TMEFF1: variants seen among roughly 807,000 people sequenced by gnomAD.
The protein encoded by TMEFF1 is transmembrane protein with EGF like and two follistatin like domains 1.
TMEFF1 carries 20 observed loss-of-function variants against 47.5 expected under a neutral mutation model. The observed-to-expected ratio is 0.42, with a 90% CI of 0.30 to 0.61. The LOEUF is 0.61. Ranked by LOEUF, TMEFF1 falls within the 20% of genes least tolerant of loss-of-function variation. TMEFF1 has a pLI of 0.19. For synonymous variants in TMEFF1, 162 were observed against 166.3 expected (o/e 0.97, Z 0.20); for missense variants, 411 against 471.1 (o/e 0.87, Z 1.18).
At chr9:100,525,272 T>A (rs1838234380) in intron 5 of TMEFF1, among the ~76,000 whole-genome samples, 1 of 152,126 alleles carries the variant, frequency 6.6e-6, no homozygotes, top group African/African-American at 2.4e-5. Context: ...GGTTAAGGAC[T>A]CAGTCCCATA....
chr9:100,515,827 T>G (rs1052470593), intron 4 of TMEFF1, among the ~76,000 whole-genome samples: 1 of 151,698 alleles, frequency 6.6e-6, no homozygotes, highest in South Asian at 2.1e-4. Context: ...AAAAAGACAC[T>G]CCCTGAATAG....
chr9:100,551,913 CTG>C (rs1255296280), intron 7 of TMEFF1, among the ~76,000 whole-genome samples: 2 of 152,186 alleles, frequency 1.3e-5, no homozygotes, highest in Non-Finnish European at 2.9e-5. Context: ...CAGTGGGAAT[CTG>C]TGAAATGTCT....
intron 7 of TMEFF1, among the ~76,000 whole-genome samples, 172 bp downstream of exon 7, chr9:100,550,332 C>T (rs893207205): frequency 6.6e-6 from 1 of 152,168 alleles, no homozygotes; most frequent in African/African-American, 2.4e-5. Context: ...TGAAGTTCAT[C>T]TCATTTTATA....
At chr9:100,550,716 C>G (rs566652370) in intron 7 of TMEFF1, among the ~76,000 whole-genome samples, 10 of 152,322 alleles carry the variant, frequency 6.6e-5, no homozygotes, top group Admixed American at 6.5e-4. Flanking sequence ...GTAACCTCCT[C>G]TAGGCTATGA....
chr9:100,531,336 C>G (rs1179880334), intron 5 of TMEFF1, among the ~76,000 whole-genome samples: 1 of 152,172 alleles, frequency 6.6e-6, no homozygotes, highest in Non-Finnish European at 1.5e-5. Flanking sequence ...ATCTAGAAAA[C>G]CCGACTGTCT....
chr9:100,549,525 G>A (rs1439941659), intron 6 of TMEFF1, among the ~76,000 whole-genome samples: 2 of 152,144 alleles, frequency 1.3e-5, no homozygotes, highest in Non-Finnish European at 2.9e-5. Flanking sequence ...AGTCCCCTCT[G>A]TAATTTTTCA....
chr9:100,473,738 CAGGT>C lies in TMEFF1; in HGVS notation c.196+2_196+5del. Reference sequence around the variant, plus strand: ...GGCAAAGGCAAGAGCATCAACTGCTCAGGTAGGACCGGTCGGAGCCGGCCCTAGG... The same window carrying C: ...GGCAAAGGCAAGAGCATCAACTGCTCAGGACCGGTCGGAGCCGGCCCTAGG... On this transcript the variant is annotated splice_donor_variant and coding_sequence_variant, in exon 1 of 10. Transcript: ENST00000374879. LOFTEE classifies it high-confidence loss of function. This position sits in a 1 kb window ranked among gnomAD's most constrained non-coding sequence, Gnocchi z 5.4. 1 of 1,516,868 alleles carries C rather than the reference CAGGT, an allele frequency of 6.6e-7. No homozygotes were observed. Among genetic ancestry groups the C allele is most frequent in the Non-Finnish European group, 8.9e-7 (1 of 1,129,178 alleles). 94.0% of individuals were successfully genotyped at this position (1,516,868 alleles called of 1,614,324 possible). A position where few individuals can be genotyped will look rare whatever the true frequency, so the allele number is the denominator to read the frequency against.
intron 7 of TMEFF1, among the ~76,000 whole-genome samples, chr9:100,560,037 C>G (rs1397472083): frequency 6.6e-6 from 1 of 152,054 alleles, no homozygotes; most frequent in African/African-American, 2.4e-5. Flanking sequence ...CACCTCTATT[C>G]TCACTTCTCC....
At chr9:100,522,458 G>C (rs149043405) in intron 5 of TMEFF1, among the ~76,000 whole-genome samples, 1 of 46,464 alleles carries the variant, frequency 2.2e-5, no homozygotes, top group Admixed American at 2.9e-4. Context: ...TTTTTTTTGA[G>C]ACGGAGTTTT....
chr9:100,481,984 G>A (rs1010451468), intron 1 of TMEFF1, among the ~76,000 whole-genome samples: 9 of 151,924 alleles, frequency 5.9e-5, no homozygotes, highest in African/African-American at 2.2e-4. Flanking sequence ...GTTTCACCGT[G>A]TTGGCTAGGA....
rs755625382 is a variant in TMEFF1 at position 100,547,740 on chromosome 9, A to G, written c.561-4A>G. Reference sequence around the variant, plus strand: ...ATATAGGTAATTTTTGTCTTTTCCAACAGGTGTGTATGTAATATAGATTGC... The same window carrying G: ...ATATAGGTAATTTTTGTCTTTTCCAGCAGGTGTGTATGTAATATAGATTGC... On this transcript the variant is annotated splice_region_variant and splice_polypyrimidine_tract_variant and intron_variant, in intron 5 of 9. Coordinates refer to ENST00000374879, the MANE Select transcript of TMEFF1 (RefSeq NM_003692.5). The G allele has an allele frequency of 9.3e-6, 14 of 1,507,702 alleles. No homozygotes were observed. The Middle Eastern group carries it at 1.2e-3, about 128-fold the overall frequency. 93.4% of individuals were successfully genotyped at this position (1,507,702 alleles called of 1,614,324 possible).
At chr9:100,537,117 G>A (rs967612617) in intron 5 of TMEFF1, among the ~76,000 whole-genome samples, 5 of 152,188 alleles carry the variant, frequency 3.3e-5, no homozygotes, top group African/African-American at 2.4e-5. Flanking sequence ...ATGTTTTGCA[G>A]GCCATACCTA....
intron 5 of TMEFF1, among the ~76,000 whole-genome samples, chr9:100,523,379 C>T (rs190669914): frequency 2.6e-5 from 4 of 152,282 alleles, no homozygotes; most frequent in Admixed American, 6.5e-5. Flanking sequence ...CTCTGCATAG[C>T]ACTAAGTAGA....
At chr9:100,479,378 T>C (rs1040517692) in intron 1 of TMEFF1, among the ~76,000 whole-genome samples, 4 of 152,326 alleles carry the variant, frequency 2.6e-5, no homozygotes, top group South Asian at 2.1e-4. Flanking sequence ...TAAGCATTTA[T>C]TGAGCACGAA....
intron 5 of TMEFF1, among the ~76,000 whole-genome samples, chr9:100,534,081 G>C (rs1327112049): frequency 6.6e-6 from 1 of 152,178 alleles, no homozygotes; most frequent in Non-Finnish European, 1.5e-5. Context: ...GTGTGGGGAA[G>C]TGTTTCAGGA....
chr9:100,535,174 C>T (rs1838478525), intron 5 of TMEFF1, among the ~76,000 whole-genome samples: 1 of 152,028 alleles, frequency 6.6e-6, no homozygotes, highest in Admixed American at 6.6e-5. Flanking sequence ...GCAAATAGTG[C>T]CTTTATTCCA....
At chr9:100,509,559 G>A (rs1321206898) in intron 3 of TMEFF1, among the ~76,000 whole-genome samples, 2 of 152,010 alleles carry the variant, frequency 1.3e-5, no homozygotes, top group Non-Finnish European at 2.9e-5. Context: ...AGATTACGAG[G>A]TCAGGAGATT....
intron 2 of TMEFF1, among the ~76,000 whole-genome samples, chr9:100,505,059 A>C (rs952987648): frequency 1.3e-5 from 2 of 152,228 alleles, no homozygotes; most frequent in African/African-American, 4.8e-5. Context: ...TATGATTACC[A>C]TAGAAGAAAA....
Position 100,513,314 on chromosome 9 carries a change from A to T in TMEFF1, c.444A>T (p.Gly148=). 2 of 1,596,940 alleles carry T rather than the reference A, an allele frequency of 1.3e-6. No homozygotes were observed. Among genetic ancestry groups the T allele is most frequent in the Non-Finnish European group, 1.7e-6 (2 of 1,173,796 alleles). Residue 148 remains glycine, a synonymous_variant, in exon 4 of 10, where the codon GGA becomes GGT. Coordinates refer to ENST00000374879, the MANE Select transcript of TMEFF1 (RefSeq NM_003692.5). ...CTTTGTTTTTCTTCTCAGATAATGG[A>T]TCTGGATCTGGAGAAGGAGGTAAGT... ...IARGPCYSDN[G]SGSGEGEEEG... is the part of the protein sequence containing the mutation.
Sources: allele counts gnomAD v4.1 joint callset (sites outside exome capture counted in the v4.1 genomes callset), GRCh38; gene constraint gnomAD v4.1.1; non-coding constraint Gnocchi (gnomAD v3.1); transcripts MANE v1.5; gene names NCBI Gene and HGNC (gene_info 2026-07-23, HGNC 2026-07-21).